The following ABI3BP variants were observed in gnomAD, a reference collection of about 807,000 sequenced individuals.
The protein encoded by ABI3BP is target of Nesh-SH3.
Under a neutral mutation model 268.6 loss-of-function variants are expected in ABI3BP, and 216 were observed. The ratio of observed to expected loss-of-function variants is 0.80; its 90% CI spans 0.72 to 0.90. The LOEUF (loss-of-function observed/expected upper bound fraction) is 0.90. Among genes scored for constraint, ABI3BP ranks in the 40% least tolerant of loss-of-function variants. The pLI, the probability that ABI3BP is intolerant of heterozygous loss-of-function variation, is 0.00. For synonymous variants in ABI3BP, 730 were observed against 730.0 expected, an observed-to-expected ratio of 1.00 and a Z score of 0.00; for missense variants, 2,090 against 2,182.4, an observed-to-expected ratio of 0.96 and a Z score of 0.84.
chr3:100,852,631 C>T lies in ABI3BP; in HGVS notation c.1286-691G>A, dbSNP rs374806339. On this transcript the variant is annotated intron_variant, in intron 14 of 67. Coordinates refer to ENST00000471714, the MANE Select transcript of ABI3BP (RefSeq NM_001375547.2). ...TCCTTTCCTTCAGCAGGACCAGAAA[C>T]AGCAGGGCTAAAACCAGGATTCTCT... is the stretch of plus-strand genomic sequence containing the variant. Among the ~76,000 whole-genome samples, 36 of 152,286 alleles carry T rather than the reference C, an allele frequency of 2.4e-4. No homozygotes were observed. In the East Asian group the frequency reaches 4.6e-3, roughly 20 times the overall value.
intron 2 of ABI3BP, among the ~76,000 whole-genome samples, chr3:100,924,312 A>C (rs1450206847): frequency 6.6e-6 from 1 of 152,174 alleles, no homozygotes; most frequent in Non-Finnish European, 1.5e-5. Context: ...CCAACCCTGA[A>C]AAGACATTTT....
chr3:100,804,895 A>C (rs778393038), intron 50 of ABI3BP, 29 bp from the exon 51 acceptor site: 1 of 1,592,666 alleles, frequency 6.3e-7, no homozygotes, highest in South Asian at 1.1e-5. Context: ...ATTGTAAGTC[A>C]TTTGGTTTCA....
At chr3:100,874,697 C>T (rs2099143090) in intron 9 of ABI3BP, 144 bp downstream of exon 9, 7 of 494,964 alleles carry the variant, frequency 1.4e-5, no homozygotes, top group South Asian at 3.8e-5. Flanking sequence ...TAATGAATAC[C>T]TCCAACACTC....
chr3:100,840,968 T>C (rs1275787744), intron 21 of ABI3BP, 110 bp from the exon 22 acceptor site: 13 of 836,734 alleles, frequency 1.6e-5, no homozygotes, highest in Non-Finnish European at 2.3e-5. Context: ...TGAGCAAATA[T>C]AAATGGTGAA....
intron 1 of ABI3BP, among the ~76,000 whole-genome samples, chr3:100,935,882 G>C (rs1286326001): frequency 6.6e-6 from 1 of 152,138 alleles, no homozygotes; most frequent in Non-Finnish European, 1.5e-5. Context: ...TTTGGGCTGA[G>C]ATGATGGGGT....
At chr3:100,841,161 A>G (rs62277060) in intron 21 of ABI3BP, among the ~76,000 whole-genome samples, 1 of 145,326 alleles carries the variant, frequency 6.9e-6, no homozygotes, top group African/African-American at 2.6e-5. Context: ...ATGAAGGAAA[A>G]TATGGGTAAT....
intron 2 of ABI3BP, among the ~76,000 whole-genome samples, chr3:100,923,365 A>G (rs2060863182): frequency 6.6e-6 from 1 of 152,202 alleles, no homozygotes; most frequent in East Asian, 1.9e-4. Context: ...TACCTAATGT[A>G]AATTATTTTG....
intron 14 of ABI3BP, among the ~76,000 whole-genome samples, chr3:100,854,382 C>T (rs538877134): frequency 1.2e-4 from 19 of 152,032 alleles, no homozygotes; most frequent in Middle Eastern, 3.4e-3. Context: ...AAAGAGATGT[C>T]GGGGGAGAGG....
chr3:100,971,873 A>T (rs373700558), intron 1 of ABI3BP, among the ~76,000 whole-genome samples: 1 of 152,190 alleles, frequency 6.6e-6, no homozygotes, highest in East Asian at 1.9e-4. Flanking sequence ...TTAAAAATAT[A>T]TTTTAAAATG....
chr3:100,974,000 A>G (rs1417292962), intron 1 of ABI3BP, among the ~76,000 whole-genome samples: 1 of 152,204 alleles, frequency 6.6e-6, no homozygotes, highest in Non-Finnish European at 1.5e-5. Flanking sequence ...ATTTTTTTAA[A>G]GAAATATGCC....
Position 100,752,918 on chromosome 3 carries a change from G to A in ABI3BP, c.4991C>T (p.Pro1664Leu). ...AGRDAIWTER[P>L]FNSDSYSECK... ...CTCTGAGTAAGAGTCTGAATTAAAG[G>A]GTCTTTCAGTCCAGATGGCATCTCT... Residue 1664 changes from proline (P) to leucine (L), a missense_variant, in exon 66 of 68, where the codon CCC (proline) becomes CTC (leucine). Pro to Leu is a moderately conservative substitution (Grantham distance 98, BLOSUM62 -3). Coordinates refer to ENST00000471714, the MANE Select transcript of ABI3BP (RefSeq NM_001375547.2). 1 of 1,613,038 alleles carries A rather than the reference G, an allele frequency of 6.2e-7. No individual in the cohort carries two copies. Among genetic ancestry groups the A allele is most frequent in the South Asian group, 1.1e-5 (1 of 90,996 alleles).
intron 50 of ABI3BP, among the ~76,000 whole-genome samples, chr3:100,805,634 T>C (rs73152436): frequency 0.14 from 21,032 of 152,006 alleles, 1,890 homozygotes; most frequent in South Asian, 0.27. Flanking sequence ...GTGTGTGACA[T>C]AATCTGCTTG....
chr3:100,749,569 C>CAAAG lies in ABI3BP; in HGVS notation c.*922_*925dup, dbSNP rs543315711. 6.3e-4 allele frequency: 224 copies of CAAAG among 357,716 alleles called. 1 individual carries two copies. The highest frequency in any genetic ancestry group is 4.4e-3 in the African/African-American group (198 of 45,320). The allele number at this position is 357,716 out of a possible 1,614,324, so 22.2% of individuals were successfully genotyped here. Reference sequence around the variant, plus strand: ...TATTACAGATTGAATTAAACAGTTACAAAGACATTCTCTGATACATTCATT... The same window carrying CAAAG: ...TATTACAGATTGAATTAAACAGTTACAAAGAAAGACATTCTCTGATACATTCATT... On this transcript the variant is annotated 3_prime_UTR_variant, in exon 68 of 68. Transcript: ENST00000471714.
At chr3:100,913,357 G>A (rs1439720796) in intron 2 of ABI3BP, among the ~76,000 whole-genome samples, 1 of 152,076 alleles carries the variant, frequency 6.6e-6, no homozygotes, top group South Asian at 2.1e-4. Context: ...CAGAAAACCT[G>A]CCCATCCATG....
chr3:100,897,868 A>G (rs1050265129), intron 4 of ABI3BP, among the ~76,000 whole-genome samples: 2 of 152,244 alleles, frequency 1.3e-5, no homozygotes, highest in Non-Finnish European at 2.9e-5. Flanking sequence ...AGAAAACTTT[A>G]AAAATAAAAT....
intron 1 of ABI3BP, among the ~76,000 whole-genome samples, chr3:100,974,739 T>C (rs961365776): frequency 1.3e-5 from 2 of 152,232 alleles, no homozygotes; most frequent in Non-Finnish European, 2.9e-5. Context: ...GGAACTTTTA[T>C]GGTGTGTTTA....
chr3:100,890,978 G>A (rs2044357888), intron 4 of ABI3BP, among the ~76,000 whole-genome samples: 2 of 125,984 alleles, frequency 1.6e-5, no homozygotes, highest in South Asian at 6.0e-4. Context: ...TTTTCAAACT[G>A]GTCAACTTTT....
Position 100,775,301 on chromosome 3 carries a change from G to T in ABI3BP, c.4368C>A (p.Pro1456=). 6.2e-7 allele frequency: 1 copy of T among 1,608,084 alleles called. No homozygotes were observed. The highest frequency in any genetic ancestry group is 8.5e-7 in the Non-Finnish European group (1 of 1,176,982). ...CAGTAGGCCTGGGTGTTGACCTCAG[G>T]GGTGGTGTAGTTATTGGGCCTGATG... is the stretch of plus-strand genomic sequence containing the variant. ...IISSGPITTP[P]LRSTPRPTGT... is the part of the protein sequence containing the mutation. The change falls in exon 60 of 68, where the codon CCC becomes CCA. Residue 1456 remains proline (P), a synonymous_variant. Transcript: ENST00000471714.
Position 100,778,630 on chromosome 3 carries a change from C to T in ABI3BP, c.4241-254G>A, listed in dbSNP as rs190243198. On this transcript the variant is annotated intron_variant, in intron 58 of 67. Transcript: ENST00000471714. Reference sequence around the variant, plus strand: ...TCCTCATTATAGATGAATATACAGTCGGGCCCTTCATATCTGTGGGTTCCC... The same window carrying T: ...TCCTCATTATAGATGAATATACAGTTGGGCCCTTCATATCTGTGGGTTCCC... 2.3e-5 allele frequency: 9 copies of T among 395,690 alleles called. No homozygotes were observed. In the East Asian group the frequency reaches 2.6e-4, roughly 11 times the overall value. 24.5% of individuals were successfully genotyped at this position (395,690 alleles called of 1,614,324 possible).
Sources: allele counts gnomAD v4.1 joint callset (sites outside exome capture counted in the v4.1 genomes callset), GRCh38; gene constraint gnomAD v4.1.1; transcripts MANE v1.5; gene names NCBI Gene and HGNC (gene_info 2026-07-23, HGNC 2026-07-21).